The following GABRG1 variants were observed in gnomAD, a reference collection of about 807,000 sequenced individuals.
The protein encoded by GABRG1 is gamma-aminobutyric acid receptor subunit gamma-1.
A neutral mutation model predicts 49.8 loss-of-function variants in GABRG1; 49 were observed. That is an observed-to-expected ratio of 0.98 (90% CI 0.78 to 1.25). GABRG1 has a LOEUF of 1.25. Ranked by LOEUF, GABRG1 falls within the 50% of genes most tolerant of loss-of-function variation. The probability of loss-of-function intolerance (pLI) is 0.00; values close to 1 mark genes in which losing one functional copy is unlikely to be tolerated. For synonymous variants in GABRG1, 232 were observed against 185.1 expected, an observed-to-expected ratio of 1.25 and a Z score of -2.06; for missense variants, 552 against 552.3, an observed-to-expected ratio of 1.00 and a Z score of 0.01.
At chr4:46,102,368 A>G (rs939283811) in intron 1 of GABRG1, among the ~76,000 whole-genome samples, 1 of 151,656 alleles carries the variant, frequency 6.6e-6, no homozygotes, top group African/African-American at 2.4e-5. Flanking sequence ...AGCCCCTCTG[A>G]AGGGCAATTT....
At chr4:46,097,408 GTATAGT>G (rs1720215488) in intron 1 of GABRG1, 59 bp from the exon 2 acceptor site, 1 of 1,506,824 alleles carries the variant, frequency 6.6e-7, no homozygotes, top group Admixed American at 2.0e-5. Flanking sequence ...ATGTATAAAA[GTATAGT>G]TTAAGTATGT....
chr4:46,064,539 G>A lies in GABRG1; in HGVS notation c.543-16C>T. The A allele has an allele frequency of 1.6e-6, 2 of 1,271,324 alleles. No individual in the cohort carries two copies. The highest frequency in any genetic ancestry group is 1.6e-5 in the South Asian group (1 of 64,100). The allele number at this position is 1,271,324 out of a possible 1,614,324, so 78.8% of individuals were successfully genotyped here. A position where few individuals can be genotyped will look rare whatever the true frequency, so the allele number is the denominator to read the frequency against. ...AATTGTCAATCTATTTAGATGGAAA[G>A]AAAAGTATTAAATAAAGATAAATAA... On this transcript the variant is annotated splice_polypyrimidine_tract_variant and intron_variant, in intron 4 of 8. Coordinates refer to ENST00000295452, the MANE Select transcript of GABRG1 (RefSeq NM_173536.4).
At chr4:46,082,971 C>A (rs2109422287) in intron 3 of GABRG1, among the ~76,000 whole-genome samples, 1 of 151,764 alleles carries the variant, frequency 6.6e-6, no homozygotes, top group East Asian at 1.9e-4. Context: ...CTTTCTCTTT[C>A]TCATCTACAT....
rs535669934 is a variant in GABRG1 at position 46,084,156 on chromosome 4, C to G, written c.254-103G>C. ...CTTAATAACTACTTATATATTAACA[C>G]TTCAATCATAAAACATCTTTTATTA... On this transcript the variant is annotated intron_variant, in intron 2 of 8. Transcript: ENST00000295452. 2.5e-5 allele frequency: 16 copies of G among 635,238 alleles called. No homozygotes were observed. The South Asian group carries it at 2.7e-4, about 11-fold the overall frequency. 39.4% of individuals were successfully genotyped at this position (635,238 alleles called of 1,614,324 possible). A position where few individuals can be genotyped will look rare whatever the true frequency, so the allele number is the denominator to read the frequency against.
At chr4:46,075,263 C>T (rs1226251314) in intron 3 of GABRG1, among the ~76,000 whole-genome samples, 1 of 151,934 alleles carries the variant, frequency 6.6e-6, no homozygotes, top group Non-Finnish European at 1.5e-5. Context: ...ATCTCCAAAC[C>T]TGGTTGACTA....
At chr4:46,094,342 T>C (rs981131517) in intron 2 of GABRG1, among the ~76,000 whole-genome samples, 66 of 151,964 alleles carry the variant, frequency 4.3e-4, no homozygotes, top group African/African-American at 1.6e-3. Flanking sequence ...AAACATTGTC[T>C]CATCTCTACT....
At chr4:46,105,182 G>T (rs986702141) in intron 1 of GABRG1, among the ~76,000 whole-genome samples, 3 of 151,350 alleles carry the variant, frequency 2.0e-5, no homozygotes, top group African/African-American at 7.3e-5. Context: ...AATGATACTT[G>T]CTAATTAAGG....
rs556186112 is a variant in GABRG1, at chr4:46,053,907, G to A, written c.917-2269C>T. Among the ~76,000 whole-genome samples, 124 of 152,042 alleles carry A rather than the reference G, an allele frequency of 8.2e-4. 1 individual carries two copies. Among genetic ancestry groups the A allele is most frequent in the Non-Finnish European group, 1.4e-3 (98 of 67,946 alleles). The stretch of plus-strand genomic sequence containing the variant: ...TAAAAAACACTTAAGATATTAACAG[G>A]ATATTGAGAAAACATTTTGGATATC... On this transcript the variant is annotated intron_variant, in intron 7 of 8. Transcript: ENST00000295452.
intron 1 of GABRG1, among the ~76,000 whole-genome samples, chr4:46,123,130 A>ACG (rs1261211228): frequency 6.6e-6 from 1 of 151,190 alleles, no homozygotes; most frequent in Non-Finnish European, 1.5e-5. Context: ...ACACACACAC[A>ACG]CACACACACA....
intron 7 of GABRG1, among the ~76,000 whole-genome samples, chr4:46,053,906 G>C (rs1439205408): frequency 1.3e-5 from 2 of 151,944 alleles, no homozygotes; most frequent in African/African-American, 4.8e-5. Flanking sequence ...GATATTAACA[G>C]GATATTGAGA....
intron 2 of GABRG1, among the ~76,000 whole-genome samples, chr4:46,094,353 CTAA>C (rs1200410274): frequency 6.6e-6 from 1 of 151,968 alleles, no homozygotes; most frequent in Non-Finnish European, 1.5e-5. Context: ...CATCTCTACT[CTAA>C]GGCAACAGTT....
intron 2 of GABRG1, among the ~76,000 whole-genome samples, chr4:46,093,760 T>TA (rs78964930): frequency 6.6e-6 from 1 of 151,922 alleles, no homozygotes; most frequent in Non-Finnish European, 1.5e-5. Context: ...AAACTTTTTT[T>TA]AAAAAAGGAG....
chr4:46,076,287 T>A (rs1430315550), intron 3 of GABRG1, among the ~76,000 whole-genome samples: 2 of 148,804 alleles, frequency 1.3e-5, no homozygotes, highest in African/African-American at 4.9e-5. Flanking sequence ...AACATATGTA[T>A]CTCTACACAG....
At chr4:46,118,015 T>C (rs1156566480) in intron 1 of GABRG1, among the ~76,000 whole-genome samples, 2 of 121,594 alleles carry the variant, frequency 1.6e-5, no homozygotes, top group Admixed American at 8.3e-5. Context: ...TATGTATACA[T>C]GTGTATCTAT....
At chr4:46,097,612 A>G (rs1720223930) in intron 1 of GABRG1, among the ~76,000 whole-genome samples, 1 of 151,692 alleles carries the variant, frequency 6.6e-6, no homozygotes, top group Admixed American at 6.6e-5. Context: ...ACTGTCATTA[A>G]CATTCATAAA....
intron 8 of GABRG1, among the ~76,000 whole-genome samples, chr4:46,049,040 A>G (rs183199460): frequency 9.9e-4 from 151 of 151,988 alleles, no homozygotes; most frequent in African/African-American, 3.4e-3. Flanking sequence ...ATAGCCCTAA[A>G]CATTTTTTTT....
chr4:46,112,392 C>A (rs765473755), intron 1 of GABRG1, among the ~76,000 whole-genome samples: 1 of 151,250 alleles, frequency 6.6e-6, no homozygotes, highest in African/African-American at 2.4e-5. Flanking sequence ...GATGAGAATG[C>A]AAAATAGTTC....
At chr4:46,084,520 A>G (rs1019941834) in intron 2 of GABRG1, among the ~76,000 whole-genome samples, 1 of 151,634 alleles carries the variant, frequency 6.6e-6, no homozygotes, top group Non-Finnish European at 1.5e-5. Context: ...TCAATCTGAC[A>G]GAGCCCTCAA....
chr4:46,069,250 T>C (rs538522820), intron 3 of GABRG1, among the ~76,000 whole-genome samples: 25 of 152,184 alleles, frequency 1.6e-4, no homozygotes, highest in African/African-American at 5.8e-4. Flanking sequence ...GATTTATTAT[T>C]CCTATGTTGG....
Sources: allele counts gnomAD v4.1 joint callset (sites outside exome capture counted in the v4.1 genomes callset), GRCh38; gene constraint gnomAD v4.1.1; transcripts MANE v1.5; gene names NCBI Gene and HGNC (gene_info 2026-07-23, HGNC 2026-07-21).